OTOG: variants seen among roughly 807,000 people sequenced by gnomAD.
The protein encoded by OTOG is otogelin.
In OTOG, 296 loss-of-function variants were observed where a neutral mutation model predicts 313.8. The ratio of observed to expected loss-of-function variants is 0.94; its 90% CI spans 0.86 to 1.04. OTOG has a LOEUF of 1.04. Ranked by LOEUF, OTOG falls within the 50% of genes least tolerant of loss-of-function variation. The probability of loss-of-function intolerance (pLI) is 0.00; values close to 1 mark genes in which losing one functional copy is unlikely to be tolerated. For missense variants in OTOG, 3,948 were observed against 3,840.1 expected (o/e 1.03, Z -0.74); for synonymous variants, 1,533 against 1,554.9 (o/e 0.99, Z 0.33).
intron 30 of OTOG, among the ~76,000 whole-genome samples, chr11:17,597,424 A>G (rs987207722): frequency 1.3e-5 from 2 of 152,200 alleles, no homozygotes; most frequent in African/African-American, 2.4e-5. Flanking sequence ...GCAGGAATAG[A>G]CCTGCCCCCA....
chr11:17,571,160 C>T (rs1852396033), intron 17 of OTOG, among the ~76,000 whole-genome samples: 1 of 152,162 alleles, frequency 6.6e-6, no homozygotes, highest in South Asian at 2.1e-4. Flanking sequence ...AAATAAAGCT[C>T]AGAGCTTTTC....
Position 17,591,505 on chromosome 11 carries a change from A to G in OTOG, c.2923A>G (p.Thr975Ala). The G allele has an allele frequency of 6.4e-7, 1 of 1,550,702 alleles. No homozygotes were observed. The highest frequency in any genetic ancestry group is 8.7e-7 in the Non-Finnish European group (1 of 1,147,034). ...CTLHPCASTC[T>A]AYGDRHYRTF... is the part of the protein sequence containing the mutation. The stretch of plus-strand genomic sequence containing the variant: ...CCTGCACCCTTGCGCCTCCACCTGC[A>G]CTGCCTATGGGGACCGGCATTACCG... Residue 975 changes from threonine (T) to alanine (A), a missense_variant, in exon 25 of 56, where the codon ACT becomes GCT. Transcript: ENST00000399397.
At position 17,645,973 on chromosome 11, in the gene OTOG, C is replaced by G; in HGVS notation, c.*29C>G. On this transcript the variant is annotated 3_prime_UTR_variant, in exon 56 of 56. Coordinates refer to ENST00000399397, the MANE Select transcript of OTOG (RefSeq NM_001292063.2). ...CTGGGGGCCCGGGCTAGCTGGACCA[C>G]CTCTGCCAGCCCCACTTTCTGTTTC... The G allele has an allele frequency of 6.5e-7, 1 of 1,537,964 alleles. No homozygotes were observed. The highest frequency in any genetic ancestry group is 1.2e-5 in the South Asian group (1 of 83,924).
rs1338266454 is a variant in OTOG, at chr11:17,634,845, G to T, written c.7482G>T (p.Val2494=). The stretch of plus-strand genomic sequence containing the variant: ...AGGCCCTGTGGTCCCCGGGGCCAGT[G>T]TGTAACCAGACTCTGTGTGAGGGTC... The part of the protein sequence containing the change: ...KDPCCLGTVC[V]CNQTLCEGLA... Residue 2494 remains valine (V), a splice_region_variant and synonymous_variant, in exon 45 of 56, where the codon GTG becomes GTT. Coordinates refer to ENST00000399397, the MANE Select transcript of OTOG (RefSeq NM_001292063.2). 5 of 1,549,272 alleles carry T rather than the reference G, an allele frequency of 3.2e-6. No homozygotes were observed. Among genetic ancestry groups the T allele is most frequent in the Non-Finnish European group, 3.5e-6 (4 of 1,146,724 alleles).
rs548810248 is a variant in OTOG, at chr11:17,640,960, G to A, written c.8059G>A (p.Gly2687Ser). 23 of 1,548,224 alleles carry A rather than the reference G, an allele frequency of 1.5e-5. 1 individual carries two copies. The highest frequency in any genetic ancestry group is 1.7e-4 in the Middle Eastern group (1 of 6,012). The change falls in exon 51 of 56, where the codon GGC becomes AGC. Residue 2687 changes from glycine (G) to serine (S), a missense_variant. By Grantham distance (56) the Gly-to-Ser change is moderately conservative. Coordinates refer to ENST00000399397, the MANE Select transcript of OTOG (RefSeq NM_001292063.2). ...CCGCGAGCTGGGTGTGATGCAGCCC[G>A]GCCAGACAGTGGTGGAGCTCTCAGC... is the stretch of plus-strand genomic sequence containing the variant. Reference protein sequence around the residue: ...LSRELGVMQPGQTVVELSADG... With the variant: ...LSRELGVMQPSQTVVELSADG...
intron 54 of OTOG, among the ~76,000 whole-genome samples, chr11:17,643,816 T>A (rs924420824): frequency 6.6e-6 from 1 of 152,214 alleles, no homozygotes; most frequent in East Asian, 1.9e-4. Context: ...CTCCTGCCCC[T>A]GCCAAGGCCC....
rs893824881 is a variant in OTOG, at chr11:17,612,681, G to C, written c.6354G>C (p.Leu2118=). The part of the protein sequence containing the change: ...FVTFDGSHVA[L]FKEAIYILSQ... ...CCTTCGATGGGAGCCACGTAGCTCT[G>C]TTCAAGGAGGCCATCTACATCCTCA... is the stretch of plus-strand genomic sequence containing the variant. The change falls in exon 38 of 56, where the codon CTG becomes CTC. Residue 2118 remains leucine, a synonymous_variant. Transcript: ENST00000399397. 8.4e-6 allele frequency: 13 copies of C among 1,550,614 alleles called. No individual in the cohort carries two copies. In the African/African-American group the frequency reaches 1.5e-4, roughly 18 times the overall value.
chr11:17,614,321 G>A (rs769329694), intron 39 of OTOG, among the ~76,000 whole-genome samples: 2 of 152,132 alleles, frequency 1.3e-5, no homozygotes, highest in Admixed American at 6.5e-5. Context: ...CACAGGGTGC[G>A]GCACATTTGT....
rs1302265167 is a variant in OTOG at position 17,558,244 on chromosome 11, C to T, written c.925C>T (p.Gln309Ter). 106 of 1,550,504 alleles carry T rather than the reference C, an allele frequency of 6.8e-5. No homozygotes were observed. The highest frequency in any genetic ancestry group is 8.9e-5 in the Non-Finnish European group (102 of 1,146,978). The change falls in exon 9 of 56, where the codon CAG becomes TAG. Residue 309 changes from glutamine (Q) to a stop codon, truncating the protein, a stop_gained. Transcript: ENST00000399397. LOFTEE classifies it high-confidence loss of function. ...VHSWQEQAPN[Q>*]PPGPTTSSLP... The stretch of plus-strand genomic sequence containing the variant: ...CAGCTGGCAGGAGCAGGCCCCTAAC[C>T]AGCCTCCAGGGCCCACAACTTCCTC...
chr11:17,559,705 G>T (rs145649198), intron 12 of OTOG, 43 bp downstream of exon 12: 1 of 1,547,806 alleles, frequency 6.5e-7, no homozygotes, highest in African/African-American at 1.4e-5. Context: ...CATCTTCCTG[G>T]CCTGGCACAG....
chr11:17,627,827 A>T (rs1854023650), intron 39 of OTOG, among the ~76,000 whole-genome samples: 1 of 152,050 alleles, frequency 6.6e-6, no homozygotes, highest in African/African-American at 2.4e-5. Flanking sequence ...GTGTCTAGGA[A>T]TTTATCCATT....
intron 31 of OTOG, 61 bp downstream of exon 31, chr11:17,599,758 C>A: frequency 1.3e-6 from 2 of 1,517,394 alleles, no homozygotes; most frequent in South Asian, 1.2e-5. Context: ...CCTGTCCTGA[C>A]GCCACACAGC....
intron 47 of OTOG, 86 bp from the exon 48 acceptor site, chr11:17,638,365 C>T: frequency 1.7e-6 from 2 of 1,147,234 alleles, no homozygotes; most frequent in African/African-American, 1.5e-5. Context: ...TGGGGGTAGC[C>T]TCTCTTTAGC....
intron 23 of OTOG, among the ~76,000 whole-genome samples, chr11:17,585,768 A>C (rs1852779354): frequency 6.6e-6 from 1 of 152,176 alleles, no homozygotes; most frequent in Admixed American, 6.5e-5. Context: ...GCAACTAACA[A>C]GGGACTCCTT....
Position 17,559,116 on chromosome 11 carries a change from G to A in OTOG, c.1168G>A (p.Ala390Thr). 1 of 1,543,932 alleles carries A rather than the reference G, an allele frequency of 6.5e-7. No homozygotes were observed. Reference protein sequence around the residue: ...LAEYARACAQAGRPLQGWRTQ... With the variant: ...LAEYARACAQTGRPLQGWRTQ... ...GGAGTATGCCCGGGCGTGTGCCCAGGCAGGGCGGCCCTTGCAAGGCTGGAG... is the reference window on the plus strand; with the variant it reads ...GGAGTATGCCCGGGCGTGTGCCCAGACAGGGCGGCCCTTGCAAGGCTGGAG... The change falls in exon 11 of 56, where the codon GCA (alanine) becomes ACA (threonine). Residue 390 changes from alanine (A) to threonine (T), a missense_variant. Physicochemically the swap from Ala to Thr is moderately conservative, Grantham distance 58. Transcript: ENST00000399397.
rs1277382278 is a variant in OTOG, at chr11:17,593,767, G to A, written c.3288+11G>A. Reference sequence around the variant, plus strand: ...GGGCCTCAGTGGCAGGTACTTACATGAGCAGTGACATTCTGCTCCTGCCTG... The same window carrying A: ...GGGCCTCAGTGGCAGGTACTTACATAAGCAGTGACATTCTGCTCCTGCCTG... On this transcript the variant is annotated intron_variant, in intron 27 of 55. Coordinates refer to ENST00000399397, the MANE Select transcript of OTOG (RefSeq NM_001292063.2). 2.6e-6 allele frequency: 4 copies of A among 1,546,438 alleles called. No homozygotes were observed. Among genetic ancestry groups the A allele is most frequent in the Admixed American group, 2.0e-5 (1 of 50,972 alleles).
At chr11:17,596,199 T>A (rs1353676905) in intron 29 of OTOG, 45 bp downstream of exon 29, 1 of 1,351,712 alleles carries the variant, frequency 7.4e-7, no homozygotes, top group Non-Finnish European at 1.0e-6. Flanking sequence ...CCCCCTCCAC[T>A]GTCCTGGGAT....
intron 46 of OTOG, 62 bp downstream of exon 46, chr11:17,635,249 C>T (rs763367649): frequency 1.8e-5 from 24 of 1,368,838 alleles, no homozygotes; most frequent in East Asian, 2.5e-5. Context: ...GGCCTCACCC[C>T]TGTGTCCTTG....
At chr11:17,558,028 C>T (rs1236619923) in intron 8 of OTOG, among the ~76,000 whole-genome samples, 157 bp from the exon 9 acceptor site, 1 of 152,128 alleles carries the variant, frequency 6.6e-6, no homozygotes, top group East Asian at 1.9e-4. Context: ...GAGAATGGCT[C>T]AGTTGGGAAA....
Sources: gnomAD v4.1 joint callset for allele counts (sites outside exome capture counted in the v4.1 genomes callset) on GRCh38, gnomAD v4.1.1 for gene constraint, MANE v1.5 for transcripts, NCBI Gene and HGNC (gene_info 2026-07-23, HGNC 2026-07-21) for gene names.